The following CSMD1 variants were observed in gnomAD, a reference collection of about 807,000 sequenced individuals.
The protein encoded by CSMD1 is CUB and sushi domain-containing protein 1.
A neutral mutation model predicts 417.5 loss-of-function variants in CSMD1; 213 were observed. The ratio of observed to expected loss-of-function variants is 0.51; its 90% CI spans 0.46 to 0.57. The LOEUF (loss-of-function observed/expected upper bound fraction) is 0.57. CSMD1 is among the 20% of genes least tolerant of loss of function. The pLI is 0.00. For missense variants in CSMD1, 6,923 were observed against 4,529.7 expected, an observed-to-expected ratio of 1.53 and a Z score of -15.17; for synonymous variants, 2,862 against 1,736.8, an observed-to-expected ratio of 1.65 and a Z score of -16.11.
At chr8:4,365,179 C>G (rs1172969302) in intron 3 of CSMD1, among the ~76,000 whole-genome samples, 1 of 152,010 alleles carries the variant, frequency 6.6e-6, no homozygotes. Context: ...GGTAGTTTTG[C>G]TCACAATAAA....
intron 3 of CSMD1, among the ~76,000 whole-genome samples, chr8:4,051,074 A>T (rs1479404506): frequency 3.3e-5 from 5 of 152,052 alleles, no homozygotes; most frequent in Non-Finnish European, 5.9e-5. Context: ...TTTGAAGCGC[A>T]CTGCCCTGAG....
chr8:4,223,804 T>C (rs903183207), intron 3 of CSMD1, among the ~76,000 whole-genome samples: 1 of 152,154 alleles, frequency 6.6e-6, no homozygotes, highest in African/African-American at 2.4e-5. Flanking sequence ...CCTTGGCCAA[T>C]AACAACCAGT....
chr8:3,508,276 G>C (rs1165395579), intron 10 of CSMD1, among the ~76,000 whole-genome samples: 1 of 151,696 alleles, frequency 6.6e-6, no homozygotes, highest in Non-Finnish European at 1.5e-5. Context: ...CATAGATCCT[G>C]GCTCACCTGC....
At chr8:4,657,176 G>C (rs1804284012) in intron 1 of CSMD1, among the ~76,000 whole-genome samples, 1 of 152,124 alleles carries the variant, frequency 6.6e-6, no homozygotes, top group Non-Finnish European at 1.5e-5. Context: ...GCCCAGGGCA[G>C]AATACACTCT....
intron 5 of CSMD1, among the ~76,000 whole-genome samples, chr8:3,829,275 G>A (rs1055005352): frequency 6.6e-6 from 1 of 151,988 alleles, no homozygotes; most frequent in South Asian, 2.1e-4. Flanking sequence ...GAGAAAATAC[G>A]ATGTTTGGTT....
At chr8:3,576,192 G>A (rs1211941084) in intron 9 of CSMD1, among the ~76,000 whole-genome samples, 2 of 151,880 alleles carry the variant, frequency 1.3e-5, no homozygotes, top group Admixed American at 1.3e-4. Context: ...TTTGTGGGGG[G>A]ACAAGAATTA....
chr8:4,049,828 G>T (rs1474273885), intron 3 of CSMD1, among the ~76,000 whole-genome samples: 2 of 150,996 alleles, frequency 1.3e-5, no homozygotes, highest in Non-Finnish European at 2.9e-5. Context: ...CTTACAATCA[G>T]TGACCAATAT....
intron 2 of CSMD1, among the ~76,000 whole-genome samples, chr8:4,558,207 T>C (rs1035145645): frequency 6.6e-5 from 10 of 152,156 alleles, no homozygotes; most frequent in African/African-American, 2.4e-4. Flanking sequence ...TGTGATGTAA[T>C]GTGTCCCCTT....
chr8:3,037,594 T>C (rs1204106440), intron 50 of CSMD1, among the ~76,000 whole-genome samples: 1 of 152,176 alleles, frequency 6.6e-6, no homozygotes, highest in African/African-American at 2.4e-5. Flanking sequence ...GTGACTTCTC[T>C]TCTTTTGGGT....
intron 2 of CSMD1, among the ~76,000 whole-genome samples, chr8:4,572,543 C>G (rs990474346): frequency 6.6e-6 from 1 of 152,140 alleles, no homozygotes; most frequent in African/African-American, 2.4e-5. Flanking sequence ...TCTAGCTGCC[C>G]TTAGCATTTT....
intron 3 of CSMD1, among the ~76,000 whole-genome samples, chr8:4,098,536 G>A (rs750761814): frequency 1.3e-5 from 2 of 152,102 alleles, no homozygotes; most frequent in African/African-American, 4.8e-5. Context: ...ACCACAGAGA[G>A]CTGAGAAAGT....
At chr8:3,975,879 T>C (rs1037624999) in intron 5 of CSMD1, among the ~76,000 whole-genome samples, 1 of 152,230 alleles carries the variant, frequency 6.6e-6, no homozygotes, top group African/African-American at 2.4e-5. Flanking sequence ...ACAAATATTA[T>C]GTTTTCATTA....
intron 7 of CSMD1, among the ~76,000 whole-genome samples, chr8:3,672,892 T>C (rs762504560): frequency 6.6e-6 from 1 of 152,226 alleles, no homozygotes; most frequent in African/African-American, 2.4e-5. Flanking sequence ...TGAAAATCCA[T>C]GGTTTTTCTA....
At chr8:4,294,886 T>C (rs1385923630) in intron 3 of CSMD1, among the ~76,000 whole-genome samples, 1 of 151,846 alleles carries the variant, frequency 6.6e-6, no homozygotes, top group East Asian at 1.9e-4. Context: ...TTAGTAGCTG[T>C]CAATGTGTAT....
chr8:4,213,279 G>C (rs1022759853), intron 3 of CSMD1, among the ~76,000 whole-genome samples: 5 of 152,106 alleles, frequency 3.3e-5, no homozygotes, highest in South Asian at 2.1e-4. Flanking sequence ...GTCCTGTCAG[G>C]TCTAATGAGC....
At chr8:3,374,238 C>T (rs900937775) in intron 18 of CSMD1, among the ~76,000 whole-genome samples, 13 of 152,182 alleles carry the variant, frequency 8.5e-5, no homozygotes, top group African/African-American at 2.9e-4. Flanking sequence ...AGATTACAGG[C>T]GTGAGCCACC....
At chr8:3,123,560 A>G (rs1318369117) in intron 41 of CSMD1, among the ~76,000 whole-genome samples, 2 of 152,218 alleles carry the variant, frequency 1.3e-5, no homozygotes, top group Non-Finnish European at 2.9e-5. Flanking sequence ...ACTCTCTTGG[A>G]AAAATGAGTC....
intron 6 of CSMD1, among the ~76,000 whole-genome samples, chr8:3,721,116 C>G (rs923873880): frequency 6.6e-6 from 1 of 152,208 alleles, no homozygotes; most frequent in Admixed American, 6.5e-5. Flanking sequence ...AGCCACCATG[C>G]CCGGCCAGTT....
intron 3 of CSMD1, among the ~76,000 whole-genome samples, chr8:4,320,986 T>C (rs10096058): frequency 6.6e-6 from 1 of 152,040 alleles, no homozygotes; most frequent in African/African-American, 2.4e-5. Flanking sequence ...CATTGCCTCC[T>C]TATACCAGTT....
Sources: gnomAD v4.1 joint callset for allele counts (sites outside exome capture counted in the v4.1 genomes callset) on GRCh38, gnomAD v4.1.1 for gene constraint, MANE v1.5 for transcripts, NCBI Gene and HGNC (gene_info 2026-07-23, HGNC 2026-07-21) for gene names.